Variants in THADA observed in about 807,000 individuals in gnomAD.
THADA encodes the protein THADA armadillo repeat containing, also known as tRNA (32-2'-O)-methyltransferase regulator THADA.
A neutral mutation model predicts 219.8 loss-of-function variants in THADA; 213 were observed. That is an observed-to-expected ratio of 0.97 (90% CI 0.87 to 1.09). THADA has a LOEUF of 1.09. Among genes scored for constraint, THADA ranks in the 50% least tolerant of loss-of-function variants. THADA has a pLI of 0.00. For missense variants in THADA, 2,956 were observed against 2,311.3 expected (o/e 1.28, Z -5.72); for synonymous variants, 1,018 against 828.9 (o/e 1.23, Z -3.92).
intron 26 of THADA, among the ~76,000 whole-genome samples, chr2:43,433,736 G>A (rs1039582876): frequency 1.3e-5 from 2 of 152,050 alleles, no homozygotes; most frequent in African/African-American, 4.8e-5. Context: ...TGCCCAGGCT[G>A]GAGTGCAGTG....
At chr2:43,583,225 G>A (rs971715538) in intron 7 of THADA, among the ~76,000 whole-genome samples, 2 of 152,130 alleles carry the variant, frequency 1.3e-5, no homozygotes, top group Admixed American at 6.5e-5. Flanking sequence ...CAAATCTGCT[G>A]TACCTGCTGC....
intron 9 of THADA, 34 bp from the exon 10 acceptor site, chr2:43,577,276 G>A (rs758016820): frequency 3.4e-6 from 5 of 1,492,252 alleles, no homozygotes; most frequent in South Asian, 2.5e-5. Flanking sequence ...CACACATAAA[G>A]CTTTTAAAAC....
chr2:43,454,963 A>G lies in THADA; in HGVS notation c.3837-24661T>C, dbSNP rs568848675. ...TTCTCTCACTTCACAAAATTTTGGA[A>G]ATGACGAGTCTTGGGGTGAATCATT... On this transcript the variant is annotated intron_variant, in intron 26 of 37. Coordinates refer to ENST00000405975, the MANE Select transcript of THADA (RefSeq NM_022065.5). 1.2e-3 allele frequency among the ~76,000 whole-genome samples: 183 copies of G among 152,194 alleles called. 1 individual carries two copies. Among genetic ancestry groups the G allele is most frequent in the African/African-American group, 4.2e-3 (175 of 41,528 alleles).
chr2:43,326,824 G>C (rs1198555652), intron 30 of THADA, among the ~76,000 whole-genome samples: 2 of 152,188 alleles, frequency 1.3e-5, no homozygotes, highest in African/African-American at 2.4e-5. Flanking sequence ...GGAAGAGAGA[G>C]GGAATTCACT....
chr2:43,308,595 G>A (rs1040545165), intron 31 of THADA, among the ~76,000 whole-genome samples: 5 of 151,814 alleles, frequency 3.3e-5, no homozygotes, highest in Non-Finnish European at 5.9e-5. Flanking sequence ...CCAGTTACTC[G>A]GGAGGCTGGG....
At chr2:43,579,158 T>C (rs1473617234) in intron 8 of THADA, among the ~76,000 whole-genome samples, 3 of 152,154 alleles carry the variant, frequency 2.0e-5, no homozygotes, top group African/African-American at 4.8e-5. Context: ...GCCCAGCATA[T>C]AGATACTCAA....
At chr2:43,432,460 CT>C (rs536184758) in intron 26 of THADA, among the ~76,000 whole-genome samples, 532 of 141,126 alleles carry the variant, frequency 3.8e-3, no homozygotes, top group Non-Finnish European at 4.5e-3. Context: ...GGTTCTTTAC[CT>C]TTTTTTTTTT....
At chr2:43,567,321 A>C (rs960470700) in intron 14 of THADA, among the ~76,000 whole-genome samples, 8 of 152,128 alleles carry the variant, frequency 5.3e-5, no homozygotes, top group African/African-American at 1.7e-4. Context: ...TATAAGTAAA[A>C]CAGGATTCAC....
chr2:43,362,679 T>C (rs1053293316), intron 29 of THADA, among the ~76,000 whole-genome samples: 1 of 152,138 alleles, frequency 6.6e-6, no homozygotes, highest in African/African-American at 2.4e-5. Flanking sequence ...TAGGCTACAC[T>C]AAATGTATTT....
intron 36 of THADA, among the ~76,000 whole-genome samples, chr2:43,257,222 G>A (rs1042008682): frequency 1.3e-5 from 2 of 152,234 alleles, no homozygotes; most frequent in Non-Finnish European, 2.9e-5. Flanking sequence ...ACGTCAGAAA[G>A]TTGTCCAGAC....
At chr2:43,430,495 CA>C in intron 26 of THADA, 193 bp from the exon 27 acceptor site, 1 of 553,902 alleles carries the variant, frequency 1.8e-6, no homozygotes, top group Non-Finnish European at 3.3e-6. Context: ...GAAGTGCTCT[CA>C]ATCCATGAAC....
intron 31 of THADA, among the ~76,000 whole-genome samples, chr2:43,296,831 T>C (rs1369254297): frequency 6.6e-6 from 1 of 151,884 alleles, no homozygotes; most frequent in African/African-American, 2.4e-5. Context: ...CTCTTAAAAT[T>C]GTAATTAACG....
intron 28 of THADA, among the ~76,000 whole-genome samples, chr2:43,416,861 G>C (rs1234829238): frequency 6.6e-6 from 1 of 152,158 alleles, no homozygotes; most frequent in Non-Finnish European, 1.5e-5. Flanking sequence ...GCAGTTTCCT[G>C]AAGTTATTAT....
intron 31 of THADA, among the ~76,000 whole-genome samples, chr2:43,302,792 C>G (rs1440864597): frequency 6.6e-6 from 1 of 152,036 alleles, no homozygotes; most frequent in Non-Finnish European, 1.5e-5. Flanking sequence ...TGGCGTGCAC[C>G]TGTAGTTCCA....
chr2:43,595,403 G>C (rs1047301975), intron 1 of THADA, among the ~76,000 whole-genome samples: 2 of 152,222 alleles, frequency 1.3e-5, no homozygotes. Flanking sequence ...ATCGTACAAA[G>C]CCAGAAGAGA....
intron 28 of THADA, among the ~76,000 whole-genome samples, chr2:43,416,393 C>A (rs183062207): frequency 5.1e-4 from 78 of 152,232 alleles, no homozygotes; most frequent in Admixed American, 9.2e-4. Flanking sequence ...CAAAAGGGAG[C>A]AGGCTTATTT....
intron 36 of THADA, among the ~76,000 whole-genome samples, chr2:43,260,666 G>C (rs1375847342): frequency 6.6e-6 from 1 of 152,118 alleles, no homozygotes; most frequent in Non-Finnish European, 1.5e-5. Context: ...AGAAGACTGT[G>C]CTTAAATATC....
chr2:43,369,012 T>A (rs1670497513), intron 29 of THADA, among the ~76,000 whole-genome samples: 1 of 151,978 alleles, frequency 6.6e-6, no homozygotes, highest in Non-Finnish European at 1.5e-5. Context: ...GGCCCAAGAG[T>A]TTACACATAC....
chr2:43,401,342 G>C (rs899112166), intron 28 of THADA, among the ~76,000 whole-genome samples: 2 of 151,404 alleles, frequency 1.3e-5, no homozygotes, highest in Non-Finnish European at 3.0e-5. Context: ...GCAGTGGTGT[G>C]ATCTCGGCTC....
Sources: gnomAD v4.1 joint callset for allele counts (sites outside exome capture counted in the v4.1 genomes callset) on GRCh38, gnomAD v4.1.1 for gene constraint, MANE v1.5 for transcripts, NCBI Gene and HGNC (gene_info 2026-07-23, HGNC 2026-07-21) for gene names.